The following BFAR variants were observed in gnomAD, a reference collection of about 807,000 sequenced individuals.
BFAR encodes RING finger protein 47.
A neutral mutation model predicts 54.4 loss-of-function variants in BFAR; 52 were observed. That is an observed-to-expected ratio of 0.96 (90% CI 0.77 to 1.21). BFAR has a LOEUF of 1.21. Ranked by LOEUF, BFAR falls within the 50% of genes most tolerant of loss-of-function variation. BFAR has a pLI of 0.00. For synonymous variants in BFAR, 215 were observed against 204.3 expected (o/e 1.05, Z -0.45); for missense variants, 571 against 534.0 (o/e 1.07, Z -0.68).
intron 1 of BFAR, among the ~76,000 whole-genome samples, chr16:14,635,840 C>T (rs537681253): frequency 3.9e-5 from 6 of 151,922 alleles, no homozygotes; most frequent in African/African-American, 1.4e-4. Context: ...CCATATTGGC[C>T]AGGCTGGTCT....
At chr16:14,649,648 T>C (rs1959908002) in intron 3 of BFAR, among the ~76,000 whole-genome samples, 156 bp from the exon 4 acceptor site, 1 of 152,156 alleles carries the variant, frequency 6.6e-6, no homozygotes, top group Non-Finnish European at 1.5e-5. Context: ...TCTGTGGCCG[T>C]GGCGTTGCCC....
intron 2 of BFAR, among the ~76,000 whole-genome samples, chr16:14,646,578 A>C (rs1959803056): frequency 6.6e-6 from 1 of 151,258 alleles, no homozygotes; most frequent in Non-Finnish European, 1.5e-5. Context: ...GGCTCACTGC[A>C]ACCTCCGCCT....
chr16:14,658,391 AAAGAG>A (rs976336288), intron 5 of BFAR, among the ~76,000 whole-genome samples: 4 of 151,734 alleles, frequency 2.6e-5, no homozygotes, highest in African/African-American at 9.7e-5. Flanking sequence ...TGTGGCTGAC[AAAGAG>A]AAGGGAAGAT....
chr16:14,650,106 G>A (rs1302960281), intron 4 of BFAR, 133 bp downstream of exon 4: 20 of 854,374 alleles, frequency 2.3e-5, no homozygotes, highest in Non-Finnish European at 2.4e-5. Context: ...TCGATCATTT[G>A]AGGTCAGGAG....
chr16:14,637,830 G>GA (rs771750716), intron 1 of BFAR, among the ~76,000 whole-genome samples: 2,134 of 134,330 alleles, frequency 0.016, 37 homozygotes, highest in African/African-American at 0.051. Flanking sequence ...CTCCATCTCA[G>GA]AAAAAAAAAA....
intron 2 of BFAR, among the ~76,000 whole-genome samples, chr16:14,646,043 G>GT (rs995614145): frequency 9.5e-4 from 144 of 151,670 alleles, no homozygotes; most frequent in Non-Finnish European, 1.5e-3. Flanking sequence ...TAATTTTTGG[G>GT]TTTTTTTGTT....
chr16:14,637,563 A>G (rs936245667), intron 1 of BFAR, among the ~76,000 whole-genome samples: 2 of 152,182 alleles, frequency 1.3e-5, no homozygotes, highest in African/African-American at 4.8e-5. Flanking sequence ...CGCGGGGTGC[A>G]ATGGCTCACG....
At position 14,649,875 on chromosome 16, in the gene BFAR, C is replaced by A; in HGVS notation, c.540C>A (p.Ala180=). ...ACCTCCTGGTCCACAAGGCTGTGGC[C>A]AAATGGACGGCGGAAGAAGTTGTCC... ...EHDLLVHKAV[A]KWTAEEVVLW... is the part of the protein sequence containing the mutation. Residue 180 remains alanine, a synonymous_variant, in exon 4 of 8, where the codon GCC becomes GCA. Transcript: ENST00000261658. 1 of 1,613,414 alleles carries A rather than the reference C, an allele frequency of 6.2e-7. No homozygotes were observed. The highest frequency in any genetic ancestry group is 1.7e-4 in the Middle Eastern group (1 of 6,058).
At chr16:14,639,035 T>C (rs1181633588) in intron 1 of BFAR, among the ~76,000 whole-genome samples, 1 of 152,186 alleles carries the variant, frequency 6.6e-6, no homozygotes, top group Non-Finnish European at 1.5e-5. Context: ...TTAATTGACT[T>C]TCCTAAGTGT....
Position 14,655,183 on chromosome 16 carries a change from G to GCC in BFAR, c.762_763dup (p.Gln255ProfsTer10). On this transcript the variant is annotated frameshift_variant, in exon 5 of 8. Transcript: ENST00000261658. LOFTEE classifies it high-confidence loss of function. Reference sequence around the variant, plus strand: ...AACGTGTCAAAGCATTAGGCGTGAAGCCCCCCCAGAATCTCTGGGAATATA... The same window carrying GCC: ...AACGTGTCAAAGCATTAGGCGTGAAGCCCCCCCCCAGAATCTCTGGGAATATA... 6.4e-7 allele frequency: 1 copy of GCC among 1,552,946 alleles called. No individual in the cohort carries two copies.
At chr16:14,644,709 G>A in intron 2 of BFAR, 100 bp downstream of exon 2, 1 of 1,387,514 alleles carries the variant, frequency 7.2e-7, no homozygotes, top group Non-Finnish European at 9.7e-7. Flanking sequence ...GTCTCGCTAT[G>A]TTGCCCAGGC....
chr16:14,668,940 A>G lies in BFAR; in HGVS notation c.*1113A>G, dbSNP rs1476038048. 9.1e-6 allele frequency: 3 copies of G among 328,212 alleles called. No individual in the cohort carries two copies. The highest frequency in any genetic ancestry group is 6.5e-5 in the African/African-American group (3 of 46,410). The allele number at this position is 328,212 out of a possible 1,614,324, so 20.3% of individuals were successfully genotyped here. A position where few individuals can be genotyped will look rare whatever the true frequency, so the allele number is the denominator to read the frequency against. On this transcript the variant is annotated 3_prime_UTR_variant, in exon 8 of 8. Coordinates refer to ENST00000261658, the MANE Select transcript of BFAR (RefSeq NM_016561.3). ...CACACTATATAATCTTTATTGTCCT[A>G]TCCTGATGTATAATACAGCAGGTAT... is the stretch of plus-strand genomic sequence containing the variant.
At chr16:14,656,348 A>G (rs1453821902) in intron 5 of BFAR, among the ~76,000 whole-genome samples, 1 of 152,166 alleles carries the variant, frequency 6.6e-6, no homozygotes, top group Non-Finnish European at 1.5e-5. Flanking sequence ...TAACATGGCA[A>G]GACCCCATCT....
In BFAR at chr16:14,667,870, CTGAGCTT is replaced by C. The variant is rs1188723927; in HGVS notation, c.*47_*53del. ...GAGACTCTTCAAGTCCCGCTGACGT[CTGAGCTT>C]TGATGCTTAAGAGGGGTGAGGCAGG... On this transcript the variant is annotated 3_prime_UTR_variant, in exon 8 of 8. Transcript: ENST00000261658. 2 of 1,578,522 alleles carry C rather than the reference CTGAGCTT, an allele frequency of 1.3e-6. No individual in the cohort carries two copies. The highest frequency in any genetic ancestry group is 4.5e-5 in the East Asian group (2 of 44,612).
chr16:14,657,589 C>A (rs992296817), intron 5 of BFAR, among the ~76,000 whole-genome samples: 4 of 151,956 alleles, frequency 2.6e-5, no homozygotes, highest in Admixed American at 2.6e-4. Flanking sequence ...GTTTCCCAGA[C>A]TGGAGTGCAG....
intron 4 of BFAR, among the ~76,000 whole-genome samples, chr16:14,652,351 G>A (rs1959995076): frequency 6.6e-6 from 1 of 151,668 alleles, no homozygotes; most frequent in Non-Finnish European, 1.5e-5. Context: ...AGCGATCTCA[G>A]CTCACTGCAA....
At chr16:14,654,493 C>CTTTTT (rs55673619) in intron 4 of BFAR, among the ~76,000 whole-genome samples, 60 of 89,144 alleles carry the variant, frequency 6.7e-4, no homozygotes, top group South Asian at 1.6e-3. Flanking sequence ...GTGAGTTTTC[C>CTTTTT]TTTTTTTTTT....
At chr16:14,661,242 T>C (rs1259218422) in intron 5 of BFAR, among the ~76,000 whole-genome samples, 2 of 152,188 alleles carry the variant, frequency 1.3e-5, no homozygotes, top group African/African-American at 2.4e-5. Flanking sequence ...TTGCATTAAG[T>C]GGTGCCCACT....
rs142851831 is a variant in BFAR, at chr16:14,649,887, G to A, written c.552G>A (p.Ala184=). 1.6e-5 allele frequency: 26 copies of A among 1,613,352 alleles called. No individual in the cohort carries two copies. The highest frequency in any genetic ancestry group is 9.3e-5 in the African/African-American group (7 of 74,922). Residue 184 remains alanine (A), a synonymous_variant, in exon 4 of 8, where the codon GCG becomes GCA. Coordinates refer to ENST00000261658, the MANE Select transcript of BFAR (RefSeq NM_016561.3). ...ACAAGGCTGTGGCCAAATGGACGGC[G>A]GAAGAAGTTGTCCTCTGGCTGGAGC... The part of the protein sequence containing the change: ...LVHKAVAKWT[A]EEVVLWLEQL...
Sources: gnomAD v4.1 joint callset for allele counts (sites outside exome capture counted in the v4.1 genomes callset) on GRCh38, gnomAD v4.1.1 for gene constraint, MANE v1.5 for transcripts, NCBI Gene and HGNC (gene_info 2026-07-23, HGNC 2026-07-21) for gene names.